The following FILIP1L variants were observed in gnomAD, a reference collection of about 807,000 sequenced individuals.
FILIP1L encodes filamin A interacting protein 1 like.
In FILIP1L, 55 loss-of-function variants were observed where a neutral mutation model predicts 96.6. That is an observed-to-expected ratio of 0.57 (90% CI 0.46 to 0.71). The LOEUF (loss-of-function observed/expected upper bound fraction) is 0.71. Among genes scored for constraint, FILIP1L ranks in the 30% least tolerant of loss-of-function variants. The pLI, the probability that FILIP1L is intolerant of heterozygous loss-of-function variation, is 0.00. For missense variants in FILIP1L, 1,304 were observed against 1,321.2 expected, an observed-to-expected ratio of 0.99 and a Z score of 0.20; for synonymous variants, 467 against 473.9, an observed-to-expected ratio of 0.99 and a Z score of 0.19.
At chr3:99,938,542 C>T (rs1232264315) in intron 1 of FILIP1L, among the ~76,000 whole-genome samples, 1 of 152,196 alleles carries the variant, frequency 6.6e-6, no homozygotes, top group African/African-American at 2.4e-5. Flanking sequence ...AGAGGGCAGA[C>T]TGTCTGCTAT....
intron 1 of FILIP1L, among the ~76,000 whole-genome samples, chr3:99,942,434 AT>A (rs1707877421): frequency 6.6e-6 from 1 of 152,242 alleles, no homozygotes; most frequent in Non-Finnish European, 1.5e-5. Context: ...TAAAGAGAAC[AT>A]GGGTTTTATT....
intron 4 of FILIP1L, among the ~76,000 whole-genome samples, chr3:99,865,240 A>G (rs1160675636): frequency 6.6e-6 from 1 of 152,190 alleles, no homozygotes; most frequent in African/African-American, 2.4e-5. Flanking sequence ...TGAGGCTCAA[A>G]AAAGTTAATT....
chr3:99,973,731 C>A (rs1248223626), intron 1 of FILIP1L, among the ~76,000 whole-genome samples: 2 of 152,122 alleles, frequency 1.3e-5, no homozygotes, highest in African/African-American at 4.8e-5. Context: ...CCTATTTAAG[C>A]TCACTTTTTT....
At chr3:100,112,597 A>G (rs2107480280) in intron 1 of FILIP1L, among the ~76,000 whole-genome samples, 1 of 152,342 alleles carries the variant, frequency 6.6e-6, no homozygotes, top group South Asian at 2.1e-4. Context: ...CTAAAAATAA[A>G]TTGTCACTCT....
At chr3:99,924,488 TTTGA>T in intron 3 of FILIP1L, 80 bp from the exon 4 acceptor site, 1 of 1,382,558 alleles carries the variant, frequency 7.2e-7, no homozygotes, top group African/African-American at 1.5e-5. Context: ...ATGTCCCTGT[TTTGA>T]TTAATTCGGC....
intron 1 of FILIP1L, among the ~76,000 whole-genome samples, chr3:100,049,578 A>G (rs1363516770): frequency 2.0e-5 from 3 of 152,248 alleles, no homozygotes; most frequent in Non-Finnish European, 4.4e-5. Flanking sequence ...CAGAGATAAT[A>G]GTGAGAAACA....
At chr3:99,960,228 A>C (rs911156342) in intron 1 of FILIP1L, among the ~76,000 whole-genome samples, 3 of 152,126 alleles carry the variant, frequency 2.0e-5, no homozygotes, top group African/African-American at 7.2e-5. Flanking sequence ...GTGTTTTTCT[A>C]GTTAGAGTAG....
intron 4 of FILIP1L, among the ~76,000 whole-genome samples, chr3:99,903,400 T>C (rs567512221): frequency 1.4e-4 from 21 of 151,874 alleles, no homozygotes; most frequent in African/African-American, 1.9e-4. Flanking sequence ...TACAGGCGCC[T>C]GCCACCACAC....
At chr3:100,005,835 C>T (rs1363896089) in intron 1 of FILIP1L, among the ~76,000 whole-genome samples, 23 of 152,278 alleles carry the variant, frequency 1.5e-4, no homozygotes, top group Non-Finnish European at 1.5e-5. Context: ...AAGGAGAGAA[C>T]TTGGAAGAAG....
chr3:99,921,516 A>C (rs910623289), intron 4 of FILIP1L, among the ~76,000 whole-genome samples: 1 of 152,196 alleles, frequency 6.6e-6, no homozygotes, highest in African/African-American at 2.4e-5. Context: ...ATATGCATCA[A>C]GGGAGTTGAG....
At chr3:99,908,004 G>A (rs1576564430) in intron 4 of FILIP1L, among the ~76,000 whole-genome samples, 1 of 152,226 alleles carries the variant, frequency 6.6e-6, no homozygotes. Context: ...CTGAAACTGT[G>A]TATTGAATAT....
At chr3:99,978,861 G>A (rs1437711981) in intron 1 of FILIP1L, among the ~76,000 whole-genome samples, 2 of 152,028 alleles carry the variant, frequency 1.3e-5, no homozygotes, top group African/African-American at 4.8e-5. Context: ...CTCCAGCCTG[G>A]GCAACAGAGC....
At chr3:99,913,287 A>G (rs1424921129) in intron 4 of FILIP1L, among the ~76,000 whole-genome samples, 7 of 152,152 alleles carry the variant, frequency 4.6e-5, no homozygotes, top group African/African-American at 1.7e-4. Flanking sequence ...CTGACAGACT[A>G]TTTTCCAATG....
rs76926149 is a variant in FILIP1L, at chr3:99,839,737, A to G, written c.3381+8558T>C. On this transcript the variant is annotated intron_variant, in intron 5 of 5. Transcript: ENST00000477258. The stretch of plus-strand genomic sequence containing the variant: ...CAAATATAGATGTTCAAGTATGAAC[A>G]TGCTCTCAGCCAGTCTGTCAAGTAA... Among the ~76,000 whole-genome samples, 631 of 152,372 alleles carry G rather than the reference A, an allele frequency of 4.1e-3. 3 individuals carry two copies. Among genetic ancestry groups the G allele is most frequent in the African/African-American group, 0.014 (602 of 41,574 alleles).
intron 1 of FILIP1L, chr3:100,011,725 T>C (rs1710162508): frequency 1.3e-5 from 2 of 152,132 alleles, no homozygotes; most frequent in Admixed American, 6.5e-5. Context: ...TCTCTACCCA[T>C]AGGCTCCACT....
chr3:99,998,715 A>C (rs1559719803), intron 1 of FILIP1L, among the ~76,000 whole-genome samples: 1 of 152,164 alleles, frequency 6.6e-6, no homozygotes, highest in Non-Finnish European at 1.5e-5. Flanking sequence ...AGCACATGCC[A>C]CCATGCCCCA....
chr3:100,037,131 T>C (rs2065121214), intron 1 of FILIP1L, among the ~76,000 whole-genome samples: 1 of 151,048 alleles, frequency 6.6e-6, no homozygotes, highest in Non-Finnish European at 1.5e-5. Flanking sequence ...AAAATTTGAA[T>C]AAAATGTGGG....
intron 4 of FILIP1L, among the ~76,000 whole-genome samples, chr3:99,882,874 G>A (rs1705774308): frequency 6.6e-6 from 1 of 152,128 alleles, no homozygotes; most frequent in South Asian, 2.1e-4. Flanking sequence ...TTTTAAATTG[G>A]AGATTTATAG....
intron 1 of FILIP1L, among the ~76,000 whole-genome samples, chr3:99,991,203 T>C (rs1284128771): frequency 6.6e-6 from 1 of 152,216 alleles, no homozygotes; most frequent in East Asian, 1.9e-4. Flanking sequence ...ATAAGCAGCC[T>C]ATTCTTCTTT....
Sources: gnomAD v4.1 joint callset for allele counts (sites outside exome capture counted in the v4.1 genomes callset) on GRCh38, gnomAD v4.1.1 for gene constraint, MANE v1.5 for transcripts, NCBI Gene and HGNC (gene_info 2026-07-23, HGNC 2026-07-21) for gene names.